ENPP1: variants seen among roughly 807,000 people sequenced by gnomAD.
The protein encoded by ENPP1 is ectonucleotide pyrophosphatase/phosphodiesterase family member 1.
ENPP1 carries 73 observed loss-of-function variants against 122.8 expected under a neutral mutation model. The ratio of observed to expected loss-of-function variants is 0.59; its 90% CI spans 0.49 to 0.72. ENPP1 has a LOEUF of 0.72. Among genes scored for constraint, ENPP1 ranks in the 30% least tolerant of loss-of-function variants. The pLI is 0.00. For missense variants in ENPP1, 978 were observed against 1,128.1 expected (o/e 0.87, Z 1.91); for synonymous variants, 367 against 391.6 (o/e 0.94, Z 0.74).
chr6:131,831,384 A>G (rs1404981310), intron 1 of ENPP1, among the ~76,000 whole-genome samples: 1 of 152,172 alleles, frequency 6.6e-6, no homozygotes, highest in Non-Finnish European at 1.5e-5. Flanking sequence ...TCATGAATCA[A>G]CAGTGATACA....
chr6:131,836,551 G>T (rs757519673), intron 1 of ENPP1, among the ~76,000 whole-genome samples: 8 of 152,094 alleles, frequency 5.3e-5, no homozygotes, highest in Non-Finnish European at 1.0e-4. Context: ...AACTCAGCCT[G>T]CTACTGATTT....
intron 12 of ENPP1, among the ~76,000 whole-genome samples, chr6:131,869,011 A>G (rs976520908): frequency 1.3e-5 from 2 of 152,238 alleles, no homozygotes; most frequent in African/African-American, 2.4e-5. Context: ...AGAGTGAATC[A>G]TACACATACA....
At chr6:131,847,696 A>T in intron 1 of ENPP1, 80 bp from the exon 2 acceptor site, 1 of 1,000,566 alleles carries the variant, frequency 1.0e-6, no homozygotes, top group South Asian at 1.4e-5. Context: ...ACAGAGTAAG[A>T]CACTATCTCT....
intron 1 of ENPP1, among the ~76,000 whole-genome samples, chr6:131,836,315 T>C (rs1208896022): frequency 1.3e-5 from 2 of 152,148 alleles, no homozygotes; most frequent in Non-Finnish European, 2.9e-5. Flanking sequence ...GGTTTCACCA[T>C]GTTGGTCAGG....
chr6:131,858,116 A>G (rs1212925018), intron 6 of ENPP1, among the ~76,000 whole-genome samples: 1 of 152,180 alleles, frequency 6.6e-6, no homozygotes, highest in Non-Finnish European at 1.5e-5. Context: ...GGCAGGAGAA[A>G]AAGAATGAGG....
chr6:131,821,132 T>G (rs534202168), intron 1 of ENPP1, among the ~76,000 whole-genome samples: 9 of 152,292 alleles, frequency 5.9e-5, no homozygotes, highest in Middle Eastern at 3.4e-3. Context: ...CTCTTAGAAT[T>G]TGTAAGAAAT....
At chr6:131,880,143 C>T in intron 20 of ENPP1, 109 bp downstream of exon 20, 1 of 1,112,182 alleles carries the variant, frequency 9.0e-7, no homozygotes, top group Non-Finnish European at 1.4e-6. Flanking sequence ...TCAGTTCCCG[C>T]ATTAGAGGAA....
intron 1 of ENPP1, among the ~76,000 whole-genome samples, chr6:131,837,409 C>G (rs1425071891): frequency 6.6e-6 from 1 of 151,310 alleles, no homozygotes; most frequent in Non-Finnish European, 1.5e-5. Context: ...GCCTGTAGTC[C>G]CAGCCACTCG....
At chr6:131,858,488 T>C (rs932989310) in intron 6 of ENPP1, among the ~76,000 whole-genome samples, 180 bp from the exon 7 acceptor site, 3 of 152,218 alleles carry the variant, frequency 2.0e-5, no homozygotes, top group African/African-American at 7.2e-5. Flanking sequence ...GAAGTCATCT[T>C]TAAGATTGGA....
At chr6:131,856,948 G>A (rs1188066142) in intron 6 of ENPP1, among the ~76,000 whole-genome samples, 1 of 151,986 alleles carries the variant, frequency 6.6e-6, no homozygotes. Context: ...TGTTCTTTTG[G>A]CTTAGGATTG....
At chr6:131,872,828 A>C in intron 14 of ENPP1, 95 bp from the exon 15 acceptor site, 2 of 1,260,202 alleles carry the variant, frequency 1.6e-6, no homozygotes, top group Non-Finnish European at 2.3e-6. Context: ...TATTAGGGAA[A>C]TATCTTTCCC....
intron 1 of ENPP1, among the ~76,000 whole-genome samples, chr6:131,847,023 G>A (rs62424476): frequency 0.052 from 7,841 of 152,204 alleles, 249 homozygotes; most frequent in Middle Eastern, 0.095. Context: ...GAATAAACTG[G>A]TATCTAGAAA....
Position 131,818,647 on chromosome 6 carries a change from CAA to C in ENPP1, c.240+10385_240+10386del, listed in dbSNP as rs148192397. ...TGGGTGACACAGCGAGACTCTGTCT[CAA>C]AAAAAAAAAAAATGTCCTTGATGAA... On this transcript the variant is annotated intron_variant, in intron 1 of 24. Coordinates refer to ENST00000647893, the MANE Select transcript of ENPP1 (RefSeq NM_006208.3). Among the ~76,000 whole-genome samples the C allele has an allele frequency of 4.2e-3, 599 of 143,490 alleles. 7 individuals are homozygous for C. Among genetic ancestry groups the C allele is most frequent in the African/African-American group, 0.012 (474 of 39,028 alleles). 94.1% of individuals were successfully genotyped at this position (143,490 alleles called of 152,430 possible).
chr6:131,830,923 C>T (rs1330741781), intron 1 of ENPP1, among the ~76,000 whole-genome samples: 1 of 151,712 alleles, frequency 6.6e-6, no homozygotes, highest in Non-Finnish European at 1.5e-5. Flanking sequence ...CCAGCCGTGG[C>T]AACATGATGA....
At position 131,861,717 on chromosome 6, in the gene ENPP1, A is replaced by T. The variant is rs1330017496; in HGVS notation, c.1025+13A>T. The T allele has an allele frequency of 1.4e-6, 2 of 1,396,884 alleles. No individual in the cohort carries two copies. The highest frequency in any genetic ancestry group is 2.8e-5 in the African/African-American group (2 of 70,640). The allele number at this position is 1,396,884 out of a possible 1,614,324, so 86.5% of individuals were successfully genotyped here. On this transcript the variant is annotated intron_variant, in intron 9 of 24. Transcript: ENST00000647893. ...AAATGTATAATGGGTATGTGAAATG[A>T]ATTTTTTCTAGGATCTGTAATATAG... is the stretch of plus-strand genomic sequence containing the variant.
intron 1 of ENPP1, among the ~76,000 whole-genome samples, chr6:131,833,985 T>C (rs1467809013): frequency 6.6e-6 from 1 of 152,230 alleles, no homozygotes; most frequent in Non-Finnish European, 1.5e-5. Flanking sequence ...GCTGTGCAGT[T>C]GAGGTGTTTT....
rs912794165 is a variant in ENPP1, at chr6:131,891,345, G to A, written c.*834G>A. ...TCAGAGCACCAGTCAGTGCATGCAA[G>A]GTGCCATTTTTTATTGAGATGCTTA... On this transcript the variant is annotated 3_prime_UTR_variant, in exon 25 of 25. Transcript: ENST00000647893. 2 of 145,478 alleles carry A rather than the reference G, an allele frequency of 1.4e-5. No homozygotes were observed. The highest frequency in any genetic ancestry group is 2.1e-4 in the South Asian group (1 of 4,770). 9.0% of individuals were successfully genotyped at this position (145,478 alleles called of 1,614,324 possible).
chr6:131,867,950 A>G (rs990086156), intron 11 of ENPP1, 68 bp from the exon 12 acceptor site: 102 of 983,576 alleles, frequency 1.0e-4, no homozygotes, highest in Non-Finnish European at 1.4e-4. Flanking sequence ...TTTAACAGAG[A>G]TAGCTTTATG....
intron 7 of ENPP1, among the ~76,000 whole-genome samples, chr6:131,859,971 C>T (rs1460007224): frequency 1.3e-5 from 2 of 152,136 alleles, no homozygotes; most frequent in Non-Finnish European, 2.9e-5. Flanking sequence ...ATATAGCCTC[C>T]ATGGAATGCT....
Sources: gnomAD v4.1 joint callset for allele counts (sites outside exome capture counted in the v4.1 genomes callset) on GRCh38, gnomAD v4.1.1 for gene constraint, MANE v1.5 for transcripts, NCBI Gene and HGNC (gene_info 2026-07-23, HGNC 2026-07-21) for gene names.